Variants in RARB observed in about 807,000 individuals in gnomAD.
RARB encodes the protein retinoic acid receptor beta.
A neutral mutation model predicts 51.9 loss-of-function variants in RARB; 17 were observed. That is an observed-to-expected ratio of 0.33 (90% CI 0.22 to 0.49). The LOEUF (loss-of-function observed/expected upper bound fraction) is 0.49. Among genes scored for constraint, RARB ranks in the 20% least tolerant of loss-of-function variants. The pLI is 0.99. For missense variants in RARB, 369 were observed against 550.8 expected (o/e 0.67, Z 3.30); for synonymous variants, 215 against 195.4 (o/e 1.10, Z -0.84).
chr3:25,305,837 C>A (rs1038045983), intron 5 of RARB, among the ~76,000 whole-genome samples: 1 of 152,080 alleles, frequency 6.6e-6, no homozygotes, highest in African/African-American at 2.4e-5. Flanking sequence ...TGGTATAACT[C>A]AAGATTGAAG....
At chr3:25,354,757 C>G (rs1705680534) in intron 5 of RARB, among the ~76,000 whole-genome samples, 1 of 152,108 alleles carries the variant, frequency 6.6e-6, no homozygotes, top group African/African-American at 2.4e-5. Context: ...ACTGAGCAAT[C>G]ATAGCTAAAA....
chr3:25,356,919 G>A, intron 5 of RARB, among the ~76,000 whole-genome samples: 1 of 152,138 alleles, frequency 6.6e-6, no homozygotes, highest in East Asian at 1.9e-4. Context: ...TAACATTGAT[G>A]GGCATTTGGG....
intron 2 of RARB, among the ~76,000 whole-genome samples, chr3:24,897,316 C>T (rs2885804): frequency 0.73 from 111,377 of 152,100 alleles, 41,855 homozygotes; most frequent in African/African-American, 0.88. Flanking sequence ...GGGTGATTTT[C>T]GCAGCTCAAG....
At chr3:25,454,254 T>C (rs1283636927) in intron 1 of RARB, among the ~76,000 whole-genome samples, 1 of 152,234 alleles carries the variant, frequency 6.6e-6, no homozygotes, top group Non-Finnish European at 1.5e-5. Context: ...CCTTTGAATC[T>C]CTCCCTAATG....
intron 5 of RARB, among the ~76,000 whole-genome samples, chr3:25,225,179 A>C (rs1032994658): frequency 3.3e-5 from 5 of 152,164 alleles, no homozygotes; most frequent in African/African-American, 1.2e-4. Context: ...TGCTTACTAC[A>C]TGTTTAGGTG....
intron 3 of RARB, among the ~76,000 whole-genome samples, chr3:25,113,041 T>A (rs1699629497): frequency 6.6e-6 from 1 of 152,206 alleles, no homozygotes; most frequent in Non-Finnish European, 1.5e-5. Context: ...TGTAGTTTTG[T>A]TCTGACTTGC....
At chr3:25,512,764 G>A in intron 3 of RARB, among the ~76,000 whole-genome samples, 1 of 152,186 alleles carries the variant, frequency 6.6e-6, no homozygotes, top group East Asian at 1.9e-4. Context: ...TGAAGTGTTA[G>A]TGGCACCTCT....
chr3:25,025,804 T>C (rs1338153138), intron 2 of RARB, among the ~76,000 whole-genome samples: 1 of 152,188 alleles, frequency 6.6e-6, no homozygotes, highest in Non-Finnish European at 1.5e-5. Flanking sequence ...AAAGAATATT[T>C]GTCTATGGCC....
intron 5 of RARB, among the ~76,000 whole-genome samples, chr3:25,181,357 C>T (rs564566853): frequency 1.3e-5 from 2 of 152,260 alleles, no homozygotes; most frequent in Admixed American, 1.3e-4. Flanking sequence ...CATAACTTTT[C>T]CTTCACTGCT....
chr3:25,244,993 A>G lies in RARB; in HGVS notation c.178+70418A>G, dbSNP rs189931448. On this transcript the variant is annotated intron_variant, in intron 5 of 11. Transcript: ENST00000383772. ...GCTTTATGAATCTGGGTGCTCCCGTATTGGGTGCATATATATTTAGAATAG... is the reference window on the plus strand; with the variant it reads ...GCTTTATGAATCTGGGTGCTCCCGTGTTGGGTGCATATATATTTAGAATAG... 1.8e-3 allele frequency among the ~76,000 whole-genome samples: 281 copies of G among 152,272 alleles called. 2 individuals carry two copies. The highest frequency in any genetic ancestry group is 2.0e-3 in the Non-Finnish European group (134 of 68,020).
chr3:24,834,340 T>TC (rs1702315876), intron 1 of RARB, among the ~76,000 whole-genome samples: 1 of 152,194 alleles, frequency 6.6e-6, no homozygotes, highest in Non-Finnish European at 1.5e-5. Flanking sequence ...ATAGCCTGTT[T>TC]TTTTCTCTTG....
intron 5 of RARB, among the ~76,000 whole-genome samples, chr3:25,210,561 A>AGT (rs1388758286): frequency 5.4e-5 from 1 of 18,620 alleles, no homozygotes; most frequent in African/African-American, 1.1e-4. Context: ...TTTGAGATTG[A>AGT]GTCTCACTCT....
At chr3:25,214,119 T>G (rs1243027887) in intron 5 of RARB, among the ~76,000 whole-genome samples, 1 of 152,188 alleles carries the variant, frequency 6.6e-6, no homozygotes, top group Non-Finnish European at 1.5e-5. Flanking sequence ...AGGTCAAATA[T>G]AAAGCTTGTG....
intron 2 of RARB, among the ~76,000 whole-genome samples, chr3:25,470,912 G>C (rs181262967): frequency 1.3e-3 from 194 of 152,218 alleles, no homozygotes; most frequent in African/African-American, 4.4e-3. Flanking sequence ...CTTATTACTA[G>C]GGCTTTGCAT....
intron 2 of RARB, among the ~76,000 whole-genome samples, chr3:24,893,507 G>T (rs1288909821): frequency 1.3e-5 from 2 of 152,114 alleles, no homozygotes; most frequent in Non-Finnish European, 2.9e-5. Flanking sequence ...AAAAATGCCT[G>T]TATATGTAAT....
chr3:24,925,298 A>G (rs1695293393), intron 2 of RARB, among the ~76,000 whole-genome samples: 1 of 152,034 alleles, frequency 6.6e-6, no homozygotes, highest in Non-Finnish European at 1.5e-5. Context: ...ATTATTCACA[A>G]CTAGATTTAC....
chr3:24,956,770 T>G (rs1466102790), intron 2 of RARB, among the ~76,000 whole-genome samples: 2 of 152,204 alleles, frequency 1.3e-5, no homozygotes, highest in Non-Finnish European at 2.9e-5. Context: ...TACAAAGGCT[T>G]AGGAAGTGAA....
chr3:25,402,511 T>C (rs949774269), intron 5 of RARB, among the ~76,000 whole-genome samples: 5 of 152,238 alleles, frequency 3.3e-5, no homozygotes, highest in African/African-American at 1.2e-4. Context: ...CTCCTCTGTT[T>C]GTCCAGTGCT....
intron 4 of RARB, among the ~76,000 whole-genome samples, chr3:25,571,017 G>A (rs536169423): frequency 2.0e-5 from 3 of 152,210 alleles, no homozygotes; most frequent in South Asian, 2.1e-4. Flanking sequence ...GCGCTAGGAT[G>A]TTGGTGGTAT....
Sources: allele counts gnomAD v4.1 joint callset (sites outside exome capture counted in the v4.1 genomes callset), GRCh38; gene constraint gnomAD v4.1.1; transcripts MANE v1.5; gene names NCBI Gene and HGNC (gene_info 2026-07-23, HGNC 2026-07-21).